The following NRXN1 variants were observed in gnomAD, a reference collection of about 807,000 sequenced individuals.
NRXN1 encodes the protein neurexin 1.
Under a neutral mutation model 150.9 loss-of-function variants are expected in NRXN1, and 39 were observed. The ratio of observed to expected loss-of-function variants is 0.26; its 90% CI spans 0.20 to 0.34. The LOEUF (loss-of-function observed/expected upper bound fraction) is 0.34. NRXN1 is among the 10% of genes least tolerant of loss of function. The pLI is 1.00. For missense variants in NRXN1, 1,815 were observed against 1,949.9 expected, an observed-to-expected ratio of 0.93 and a Z score of 1.30; for synonymous variants, 924 against 757.0, an observed-to-expected ratio of 1.22 and a Z score of -3.62.
chr2:49,976,857 T>A (rs72887808), intron 21 of NRXN1, among the ~76,000 whole-genome samples: 2,947 of 152,286 alleles, frequency 0.019, 100 homozygotes, highest in African/African-American at 0.067. Flanking sequence ...ATTTGTATAT[T>A]TACCCAGACA....
chr2:50,679,985 A>T (rs1690133772), intron 5 of NRXN1, among the ~76,000 whole-genome samples: 1 of 150,678 alleles, frequency 6.6e-6, no homozygotes, highest in African/African-American at 2.4e-5. Context: ...TACAAAAATT[A>T]GCTGGGCATA....
In NRXN1 at chr2:51,000,746, C is replaced by A. The variant is rs550268215; in HGVS notation, c.772+26756G>T. On this transcript the variant is annotated intron_variant, in intron 2 of 22. Coordinates refer to ENST00000401669, the MANE Select transcript of NRXN1 (RefSeq NM_001330078.2). ...ATTACAAATGAAATATTTTGGGGAACAATATACCTTAATTCCGTAAATTAA... is the reference window on the plus strand; with the variant it reads ...ATTACAAATGAAATATTTTGGGGAAAAATATACCTTAATTCCGTAAATTAA... Among the ~76,000 whole-genome samples, 7 of 151,560 alleles carry A rather than the reference C, an allele frequency of 4.6e-5. No homozygotes were observed. The East Asian group carries it at 1.4e-3, about 30-fold the overall frequency.
chr2:50,785,327 C>A (rs1263121260), intron 5 of NRXN1, among the ~76,000 whole-genome samples: 16 of 147,796 alleles, frequency 1.1e-4, no homozygotes. Context: ...CAGCTCACTG[C>A]AAGCTCCGTC....
chr2:50,358,410 A>G (rs2078970541), intron 17 of NRXN1, among the ~76,000 whole-genome samples: 2 of 152,144 alleles, frequency 1.3e-5, no homozygotes, highest in Non-Finnish European at 2.9e-5. Context: ...GACGTCCACC[A>G]TTACTGAGGC....
At chr2:50,473,054 A>G (rs1463420500) in intron 15 of NRXN1, among the ~76,000 whole-genome samples, 1 of 151,762 alleles carries the variant, frequency 6.6e-6, no homozygotes, top group African/African-American at 2.4e-5. Context: ...AGTTCAGTAA[A>G]TTTCTTCTTG....
intron 8 of NRXN1, among the ~76,000 whole-genome samples, chr2:50,573,385 A>C (rs112953447): frequency 0.019 from 2,939 of 152,040 alleles, 82 homozygotes; most frequent in African/African-American, 0.065. Flanking sequence ...ACGGAATCTA[A>C]AGTCAAACAC....
intron 18 of NRXN1, among the ~76,000 whole-genome samples, chr2:50,200,040 G>A (rs2062048013): frequency 6.6e-6 from 1 of 152,104 alleles, no homozygotes. Flanking sequence ...TTACTATGCT[G>A]CTGGATGCAG....
chr2:50,058,640 C>G (rs1360072796), intron 19 of NRXN1, among the ~76,000 whole-genome samples: 1 of 152,206 alleles, frequency 6.6e-6, no homozygotes, highest in Non-Finnish European at 1.5e-5. Context: ...TTAGCTGTGT[C>G]TCCACCCAAA....
At chr2:50,618,664 T>C (rs1274377553) in intron 8 of NRXN1, among the ~76,000 whole-genome samples, 1 of 151,890 alleles carries the variant, frequency 6.6e-6, no homozygotes, top group African/African-American at 2.4e-5. Context: ...AGTTTCTTTG[T>C]CTGAAACATG....
chr2:50,072,564 T>C (rs1696450098), intron 19 of NRXN1, among the ~76,000 whole-genome samples: 1 of 150,734 alleles, frequency 6.6e-6, no homozygotes, highest in South Asian at 2.1e-4. Context: ...TTTTGAGAGA[T>C]TATAATTAGT....
intron 21 of NRXN1, among the ~76,000 whole-genome samples, chr2:49,947,076 C>T (rs1199933690): frequency 1.3e-5 from 2 of 152,056 alleles, no homozygotes; most frequent in East Asian, 1.9e-4. Flanking sequence ...GTAGTCTTGC[C>T]GGTCAGTTGC....
intron 17 of NRXN1, among the ~76,000 whole-genome samples, chr2:50,333,865 A>T (rs2076988927): frequency 6.6e-6 from 1 of 152,084 alleles, no homozygotes; most frequent in Admixed American, 6.5e-5. Flanking sequence ...AATAACCTAA[A>T]TATCTGCATA....
Position 50,375,524 on chromosome 2 carries a change from C to T in NRXN1, c.3364+89918G>A. On this transcript the variant is annotated intron_variant, in intron 17 of 22. Transcript: ENST00000401669. ...AAGCTCTTAATCACTAAATTTTATA[C>T]TACCTCTTTAGGTTGGATGGCATAT... Among the ~76,000 whole-genome samples, 2 of 51,920 alleles carry T rather than the reference C, an allele frequency of 3.9e-5. 1 individual carries two copies. The highest frequency in any genetic ancestry group is 6.6e-5 in the Non-Finnish European group (2 of 30,332). The allele number at this position is 51,920 out of a possible 152,430, so 34.1% of individuals were successfully genotyped here. A position where few individuals can be genotyped will look rare whatever the true frequency, so the allele number is the denominator to read the frequency against.
At chr2:50,414,254 T>C (rs955442076) in intron 17 of NRXN1, among the ~76,000 whole-genome samples, 5 of 152,146 alleles carry the variant, frequency 3.3e-5, no homozygotes, top group Non-Finnish European at 7.4e-5. Context: ...GGATACCCCA[T>C]TCTTTGTGAT....
chr2:50,347,045 C>T lies in NRXN1; in HGVS notation c.3365-110075G>A, dbSNP rs189873392. 1.8e-3 allele frequency: 2,441 copies of T among 1,378,628 alleles called. 39 individuals carry two copies. In the African/African-American group the frequency reaches 0.033, roughly 19 times the overall value. The allele number at this position is 1,378,628 out of a possible 1,614,324, so 85.4% of individuals were successfully genotyped here. ...AGGGGAGCGGGCGGCGCGGAGTGGG[C>T]TGAGGGGCCGGCCGCCTCACCGCGC... On this transcript the variant is annotated intron_variant, in intron 17 of 22. Transcript: ENST00000401669. This position sits in a 1 kb window ranked among gnomAD's most constrained non-coding sequence, Gnocchi z 4.9.
At chr2:50,435,464 G>A (rs1306506878) in intron 17 of NRXN1, among the ~76,000 whole-genome samples, 1 of 152,124 alleles carries the variant, frequency 6.6e-6, no homozygotes, top group Non-Finnish European at 1.5e-5. Flanking sequence ...TTTTAAAAAT[G>A]TAAAGAAACT....
chr2:50,790,787 A>G (rs1178131148), intron 5 of NRXN1, among the ~76,000 whole-genome samples: 1 of 152,156 alleles, frequency 6.6e-6, no homozygotes, highest in African/African-American at 2.4e-5. Flanking sequence ...TATATCACAA[A>G]TGAGGATGAC....
intron 2 of NRXN1, among the ~76,000 whole-genome samples, chr2:50,943,327 A>T (rs866369475): frequency 1.3e-5 from 2 of 152,184 alleles, no homozygotes; most frequent in Non-Finnish European, 2.9e-5. Context: ...TGGTTTTTGC[A>T]ATTACTTTTA....
At chr2:50,179,292 G>A (rs1328944905) in intron 18 of NRXN1, among the ~76,000 whole-genome samples, 1 of 152,096 alleles carries the variant, frequency 6.6e-6, no homozygotes, top group African/African-American at 2.4e-5. Flanking sequence ...ATTAGCCACA[G>A]AGAAACAAGA....
Sources: allele counts gnomAD v4.1 joint callset (sites outside exome capture counted in the v4.1 genomes callset), GRCh38; gene constraint gnomAD v4.1.1; non-coding constraint Gnocchi (gnomAD v3.1); transcripts MANE v1.5; gene names NCBI Gene and HGNC (gene_info 2026-07-23, HGNC 2026-07-21).